The following CCDC33 variants were observed in gnomAD, a reference collection of about 807,000 sequenced individuals.
The protein encoded by CCDC33 is coiled-coil domain containing 33.
In CCDC33, 94 loss-of-function variants were observed where a neutral mutation model predicts 91.9. The ratio of observed to expected loss-of-function variants is 1.02; its 90% CI spans 0.87 to 1.21. CCDC33 has a LOEUF of 1.21. Among genes scored for constraint, CCDC33 ranks in the 50% most tolerant of loss-of-function variants. The pLI is 0.00. For missense variants in CCDC33, 940 were observed against 935.5 expected (o/e 1.00, Z -0.06); for synonymous variants, 396 against 374.5 (o/e 1.06, Z -0.66).
intron 11 of CCDC33, among the ~76,000 whole-genome samples, chr15:74,321,391 A>C (rs910647280): frequency 6.7e-6 from 1 of 150,024 alleles, no homozygotes; most frequent in Admixed American, 6.6e-5. Context: ...CATCCTCCCA[A>C]GTAGCTGGGA....
At chr15:74,220,562 A>G (rs1314542195) in intron 2 of CCDC33, among the ~76,000 whole-genome samples, 2 of 152,192 alleles carry the variant, frequency 1.3e-5, no homozygotes, top group Non-Finnish European at 2.9e-5. Flanking sequence ...GGCCACGTGG[A>G]CGATGCTCTT....
At chr15:74,335,210 C>G (rs1385162224) in intron 18 of CCDC33, 122 bp downstream of exon 18, 1 of 821,790 alleles carries the variant, frequency 1.2e-6, no homozygotes, top group East Asian at 2.4e-5. Flanking sequence ...GGCTGGGGGT[C>G]AGGAGTCCTA....
intron 11 of CCDC33, chr15:74,318,810 T>C (rs2060149068): frequency 4.8e-6 from 3 of 627,484 alleles, no homozygotes; most frequent in Non-Finnish European, 8.5e-6. Flanking sequence ...CTTTGGCCCT[T>C]AGATGCCCGT....
intron 1 of CCDC33, among the ~76,000 whole-genome samples, chr15:74,242,729 G>T (rs935084718): frequency 6.6e-6 from 1 of 151,886 alleles, no homozygotes; most frequent in Admixed American, 6.6e-5. Flanking sequence ...GAGGACCAGG[G>T]CCAGGGAGGA....
Position 74,317,691 on chromosome 15 carries a change from C to T in CCDC33, c.1291-12498C>T, listed in dbSNP as rs151000336. 2.4e-4 allele frequency among the ~76,000 whole-genome samples: 37 copies of T among 152,244 alleles called. No homozygotes were observed. In the East Asian group the frequency reaches 7.2e-3, roughly 29 times the overall value. On this transcript the variant is annotated intron_variant, in intron 11 of 18. Transcript: ENST00000398814. ...CATCTTGCTAGGTCCAGGTGGAGGG[C>T]CCTATCATGAAAGCCTTTGGGACCA...
rs780955188 is a variant in CCDC33 at position 74,280,077 on chromosome 15, T to C, written c.874T>C (p.Tyr292His). 6.2e-7 allele frequency: 1 copy of C among 1,614,084 alleles called. No homozygotes were observed. Among genetic ancestry groups the C allele is most frequent in the Admixed American group, 1.7e-5 (1 of 60,024 alleles). Residue 292 changes from tyrosine to histidine, a missense_variant, in exon 8 of 19, where the codon TAC becomes CAC. By Grantham distance (83) the Tyr-to-His change is moderately conservative (BLOSUM62 2). Coordinates refer to ENST00000398814, the MANE Select transcript of CCDC33 (RefSeq NM_025055.5). The stretch of plus-strand genomic sequence containing the variant: ...AGACACAGCCCTGGTGCTGGAGTAC[T>C]ACTCCTCAACTTCAAGTACGTGACC... Reference protein sequence around the residue: ...SEDTALVLEYYSSTSMKGSQP... With the variant: ...SEDTALVLEYHSSTSMKGSQP...
intron 11 of CCDC33, among the ~76,000 whole-genome samples, chr15:74,298,316 G>A: frequency 6.6e-6 from 1 of 151,940 alleles, no homozygotes; most frequent in East Asian, 1.9e-4. Flanking sequence ...GAGGAGCAGA[G>A]AGGAAAAAAT....
At chr15:74,210,946 A>G (rs2142123709) in intron 2 of CCDC33, among the ~76,000 whole-genome samples, 1 of 152,294 alleles carries the variant, frequency 6.6e-6, no homozygotes, top group Non-Finnish European at 1.5e-5. Flanking sequence ...GTCATGAGTT[A>G]AGTAGAATAG....
At chr15:74,234,821 G>T (rs1296450593), upstream of CCDC33, among the ~76,000 whole-genome samples, 1 of 152,248 alleles carries the variant, frequency 6.6e-6, no homozygotes, top group Non-Finnish European at 1.5e-5. Context: ...GGTGGCCAGG[G>T]CACAAAATGT....
chr15:74,272,125 T>C (rs775137346), intron 6 of CCDC33, among the ~76,000 whole-genome samples: 41 of 152,128 alleles, frequency 2.7e-4, no homozygotes, highest in Non-Finnish European at 3.2e-4. Flanking sequence ...GGGGTCCTCA[T>C]TCCCTGCTCA....
At chr15:74,272,944 C>T (rs909352513) in intron 7 of CCDC33, 53 bp downstream of exon 7, 3 of 1,607,694 alleles carry the variant, frequency 1.9e-6, no homozygotes, top group Non-Finnish European at 2.6e-6. Flanking sequence ...CACACATTCA[C>T]TGTTCACTCA....
At chr15:74,211,091 G>T (rs1396574226) in intron 2 of CCDC33, among the ~76,000 whole-genome samples, 1 of 151,766 alleles carries the variant, frequency 6.6e-6, no homozygotes, top group Non-Finnish European at 1.5e-5. Flanking sequence ...ATGTGCCAGG[G>T]TCAGTGACTG....
chr15:74,331,999 C>A (rs898649429), intron 15 of CCDC33, among the ~76,000 whole-genome samples: 1 of 152,150 alleles, frequency 6.6e-6, no homozygotes, highest in Non-Finnish European at 1.5e-5. Context: ...CACTGTACTC[C>A]GGCCTGGGTG....
chr15:74,311,072 G>A (rs149081803), intron 11 of CCDC33, among the ~76,000 whole-genome samples: 1 of 142,870 alleles, frequency 7.0e-6, no homozygotes, highest in African/African-American at 2.6e-5. Flanking sequence ...CACGGGGCCT[G>A]TAGCACAGGC....
intron 1 of CCDC33, among the ~76,000 whole-genome samples, chr15:74,205,189 A>G (rs2074232764): frequency 6.6e-6 from 1 of 152,126 alleles, no homozygotes; most frequent in Non-Finnish European, 1.5e-5. Flanking sequence ...TGTGTTGCTG[A>G]TACCAGAGGG....
intron 2 of CCDC33, among the ~76,000 whole-genome samples, chr15:74,225,408 C>T (rs2074761999): frequency 6.6e-6 from 1 of 151,664 alleles, no homozygotes; most frequent in Non-Finnish European, 1.5e-5. Context: ...TCCTGAACAC[C>T]CTCCACCCAC....
Position 74,316,788 on chromosome 15 carries a change from T to C in CCDC33, c.1291-13401T>C, listed in dbSNP as rs910160627. ...AGTAATATTTCTGGAGCCACTCTTATATGCCAGACGCTGCTCGGACGTGTA... is the reference window on the plus strand; with the variant it reads ...AGTAATATTTCTGGAGCCACTCTTACATGCCAGACGCTGCTCGGACGTGTA... On this transcript the variant is annotated intron_variant, in intron 11 of 18. Coordinates refer to ENST00000398814, the MANE Select transcript of CCDC33 (RefSeq NM_025055.5). The surrounding 1 kb of genome is among the most constrained non-coding windows in gnomAD (Gnocchi z 4.7). Among the ~76,000 whole-genome samples the C allele has an allele frequency of 1.3e-5, 2 of 152,186 alleles. No homozygotes were observed. Among genetic ancestry groups the C allele is most frequent in the African/African-American group, 4.8e-5 (2 of 41,438 alleles).
At position 74,334,990 on chromosome 15, in the gene CCDC33, C is replaced by T. The variant is rs756800634; in HGVS notation, c.2041C>T (p.Arg681Ter). The T allele has an allele frequency of 3.1e-6, 5 of 1,613,978 alleles. No homozygotes were observed. In the South Asian group the frequency reaches 3.3e-5, roughly 11 times the overall value. ...GTGTCTGCAGTTAGAGGACTCAGCT[C>T]GACGCTGGGGACGAGAGAAGCAGGA... Reference protein sequence around the residue: ...SLESQLEDSARRWGREKQDLA... With the variant: ...SLESQLEDSA The change falls in exon 18 of 19, where the codon CGA (arginine) becomes TGA (stop). Residue 681 changes from arginine (R) to a stop codon, truncating the protein, a stop_gained. Coordinates refer to ENST00000398814, the MANE Select transcript of CCDC33 (RefSeq NM_025055.5). LOFTEE classifies it high-confidence loss of function.
At chr15:74,246,256 G>T (rs995372740) in intron 2 of CCDC33, among the ~76,000 whole-genome samples, 1 of 152,296 alleles carries the variant, frequency 6.6e-6, no homozygotes, top group East Asian at 1.9e-4. Flanking sequence ...CCTTTACATT[G>T]GTCTTGGCAA....
Sources: gnomAD v4.1 joint callset for allele counts (sites outside exome capture counted in the v4.1 genomes callset) on GRCh38, gnomAD v4.1.1 for gene constraint, Gnocchi (gnomAD v3.1) non-coding constraint, MANE v1.5 for transcripts, NCBI Gene and HGNC (gene_info 2026-07-23, HGNC 2026-07-21) for gene names.